The following GULP1 variants were observed in gnomAD, a reference collection of about 807,000 sequenced individuals.
GULP1 encodes the protein PTB domain-containing engulfment adapter protein 1.
A neutral mutation model predicts 40.9 loss-of-function variants in GULP1; 19 were observed. The observed-to-expected ratio is 0.46, with a 90% CI of 0.32 to 0.68. GULP1 has a LOEUF of 0.68. Among genes scored for constraint, GULP1 ranks in the 30% least tolerant of loss-of-function variants. The pLI is 0.03. For synonymous variants in GULP1, 119 were observed against 117.6 expected (o/e 1.01, Z -0.08); for missense variants, 312 against 362.2 (o/e 0.86, Z 1.12).
chr2:188,349,613 CT>C (rs1161232418), intron 1 of GULP1, among the ~76,000 whole-genome samples: 23 of 152,102 alleles, frequency 1.5e-4, no homozygotes, highest in African/African-American at 5.6e-4. Context: ...GAGTTGTTCT[CT>C]ATCAGATGTA....
At chr2:188,388,998 A>T (rs2050165126) in intron 2 of GULP1, among the ~76,000 whole-genome samples, 1 of 152,236 alleles carries the variant, frequency 6.6e-6, no homozygotes, top group African/African-American at 2.4e-5. Flanking sequence ...AGCTTTGTCT[A>T]GGGCGAAAAA....
intron 11 of GULP1, chr2:188,591,383 A>G (rs1305249312): frequency 1.3e-5 from 2 of 152,066 alleles, no homozygotes; most frequent in Non-Finnish European, 2.9e-5. Flanking sequence ...GTAGCTTGTT[A>G]TTAATACTTT....
intron 1 of GULP1, among the ~76,000 whole-genome samples, chr2:188,308,663 C>T (rs35520214): frequency 0.018 from 2,815 of 152,238 alleles, 50 homozygotes; most frequent in Middle Eastern, 0.031. Context: ...TAAAGACTTA[C>T]TGAGGTGCAG....
chr2:188,383,298 A>G (rs562792982), intron 1 of GULP1, among the ~76,000 whole-genome samples: 6 of 152,358 alleles, frequency 3.9e-5, no homozygotes, highest in South Asian at 2.1e-4. Flanking sequence ...AGGATAAGCT[A>G]TCTAAATGCC....
intron 1 of GULP1, among the ~76,000 whole-genome samples, chr2:188,331,847 A>G (rs1013259238): frequency 6.6e-6 from 1 of 152,214 alleles, no homozygotes; most frequent in Non-Finnish European, 1.5e-5. Context: ...AACTTTTATC[A>G]TTAAAATATT....
chr2:188,294,103 A>G (rs950225050), intron 1 of GULP1: 1 of 152,198 alleles, frequency 6.6e-6, no homozygotes, highest in Non-Finnish European at 1.5e-5. Context: ...TGCTGATCAT[A>G]CTTTGCAAAT....
chr2:188,506,101 A>C (rs2063885509), intron 4 of GULP1, among the ~76,000 whole-genome samples: 1 of 151,898 alleles, frequency 6.6e-6, no homozygotes, highest in Non-Finnish European at 1.5e-5. Flanking sequence ...TTTTAGTGTG[A>C]TATTTCCTGC....
At chr2:188,360,944 A>G (rs1422489215) in intron 1 of GULP1, among the ~76,000 whole-genome samples, 2 of 152,112 alleles carry the variant, frequency 1.3e-5, no homozygotes, top group Non-Finnish European at 2.9e-5. Context: ...TAATCATGAA[A>G]TATAGTTTCT....
At chr2:188,540,375 T>C (rs1186669104) in intron 6 of GULP1, among the ~76,000 whole-genome samples, 2 of 151,964 alleles carry the variant, frequency 1.3e-5, no homozygotes, top group East Asian at 1.9e-4. Context: ...ATTTATTTTA[T>C]ATAAATATTT....
At chr2:188,582,884 A>G (rs1701608364) in intron 9 of GULP1, among the ~76,000 whole-genome samples, 1 of 152,212 alleles carries the variant, frequency 6.6e-6, no homozygotes, top group South Asian at 2.1e-4. Context: ...CTAGATTGAT[A>G]AGAGTTAAAG....
chr2:188,543,508 A>G (rs1216890323), intron 7 of GULP1, among the ~76,000 whole-genome samples: 2 of 152,208 alleles, frequency 1.3e-5, no homozygotes, highest in African/African-American at 4.8e-5. Flanking sequence ...AGTGCTAATT[A>G]TAATGATGAC....
intron 4 of GULP1, among the ~76,000 whole-genome samples, chr2:188,492,314 G>A (rs72913327): frequency 0.012 from 1,823 of 152,120 alleles, 15 homozygotes; most frequent in East Asian, 0.022. Context: ...AAGCAGTACA[G>A]TTAAGCACAG....
intron 2 of GULP1, among the ~76,000 whole-genome samples, chr2:188,429,594 A>G (rs1301853077): frequency 6.6e-6 from 1 of 152,212 alleles, no homozygotes; most frequent in Non-Finnish European, 1.5e-5. Flanking sequence ...ACTTAACAGC[A>G]CAAAGTAGTT....
At chr2:188,309,977 C>CATTA (rs1168781788) in intron 1 of GULP1, among the ~76,000 whole-genome samples, 11 of 152,272 alleles carry the variant, frequency 7.2e-5, no homozygotes, top group African/African-American at 2.6e-4. Context: ...GTCTTAAATT[C>CATTA]ATTAGAATCT....
intron 4 of GULP1, among the ~76,000 whole-genome samples, chr2:188,486,562 T>A (rs1416803619): frequency 6.6e-6 from 1 of 152,016 alleles, no homozygotes; most frequent in Non-Finnish European, 1.5e-5. Context: ...AAAGCATTAG[T>A]GTTCTGTTTT....
At chr2:188,532,455 G>T (rs35850211) in intron 6 of GULP1, among the ~76,000 whole-genome samples, 13,288 of 152,132 alleles carry the variant, frequency 0.087, 793 homozygotes, top group Middle Eastern at 0.14. Context: ...ACGTTTATAG[G>T]GTATGTGTGT....
chr2:188,535,004 A>G (rs1489991075), intron 6 of GULP1, among the ~76,000 whole-genome samples: 1 of 151,296 alleles, frequency 6.6e-6, no homozygotes, highest in Non-Finnish European at 1.5e-5. Context: ...AGACTTTAAT[A>G]TTTAATAATA....
intron 11 of GULP1, chr2:188,588,188 T>G (rs1257446504): frequency 4.1e-6 from 2 of 484,974 alleles, no homozygotes; most frequent in Non-Finnish European, 7.6e-6. Context: ...AGATGGTTCA[T>G]TTTTTAAATA....
chr2:188,316,726 T>C (rs1006702581), intron 1 of GULP1, among the ~76,000 whole-genome samples: 1 of 152,176 alleles, frequency 6.6e-6, no homozygotes, highest in African/African-American at 2.4e-5. Context: ...GTAGTACTTA[T>C]CACCTAATAT....
Sources: allele counts gnomAD v4.1 joint callset (sites outside exome capture counted in the v4.1 genomes callset), GRCh38; gene constraint gnomAD v4.1.1; transcripts MANE v1.5; gene names NCBI Gene and HGNC (gene_info 2026-07-23, HGNC 2026-07-21).